Variants in TMEM120B observed in about 807,000 individuals in gnomAD.
TMEM120B encodes the protein transmembrane protein 120B.
TMEM120B carries 31 observed loss-of-function variants against 55.5 expected under a neutral mutation model. The ratio of observed to expected loss-of-function variants is 0.56; its 90% CI spans 0.42 to 0.75. TMEM120B has a LOEUF of 0.75. Ranked by LOEUF, TMEM120B falls within the 30% of genes least tolerant of loss-of-function variation. TMEM120B has a pLI of 0.00. For missense variants in TMEM120B, 399 were observed against 425.5 expected, an observed-to-expected ratio of 0.94 and a Z score of 0.55; for synonymous variants, 203 against 176.3, an observed-to-expected ratio of 1.15 and a Z score of -1.20.
chr12:121,736,053 A>G (rs755866743), intron 1 of TMEM120B, among the ~76,000 whole-genome samples: 1 of 152,174 alleles, frequency 6.6e-6, no homozygotes, highest in Admixed American at 6.6e-5. Flanking sequence ...GAAAAACTAC[A>G]TAGTAACACC....
intron 5 of TMEM120B, among the ~76,000 whole-genome samples, chr12:121,753,982 C>G (rs1004538325): frequency 6.6e-6 from 1 of 152,228 alleles, no homozygotes. Flanking sequence ...GCTGCTGCTG[C>G]CCTGCCTGGG....
At chr12:121,765,538 G>C (rs1035265300) in intron 6 of TMEM120B, among the ~76,000 whole-genome samples, 1 of 152,154 alleles carries the variant, frequency 6.6e-6, no homozygotes, top group African/African-American at 2.4e-5. Flanking sequence ...TCTGAGGCAG[G>C]GGTTTGAATG....
intron 3 of TMEM120B, 38 bp downstream of exon 3, chr12:121,748,480 C>A: frequency 7.1e-7 from 1 of 1,410,886 alleles, no homozygotes; most frequent in Non-Finnish European, 9.9e-7. Flanking sequence ...AGCACAGGCC[C>A]ATGCCCAGGC....
At chr12:121,763,718 C>T (rs1254391184) in intron 6 of TMEM120B, among the ~76,000 whole-genome samples, 1 of 152,162 alleles carries the variant, frequency 6.6e-6, no homozygotes, top group African/African-American at 2.4e-5. Context: ...GTTGGGATTA[C>T]AGGTGTGAGC....
chr12:121,774,564 A>AGGGTGACTGGTGTGGCTGGGGGT, intron 9 of TMEM120B, 94 bp from the exon 10 acceptor site: 1 of 1,250,450 alleles, frequency 8.0e-7, no homozygotes, highest in Middle Eastern at 2.4e-4. Flanking sequence ...GGCTCATCTT[A>AGGGTGACTGGTGTGGCTGGGGGT]GGGTGACTGG....
At chr12:121,752,820 G>C (rs1396735485) in intron 5 of TMEM120B, among the ~76,000 whole-genome samples, 3 of 151,410 alleles carry the variant, frequency 2.0e-5, no homozygotes, top group Non-Finnish European at 4.4e-5. Context: ...GAAATGAAAA[G>C]TTGGGCGTGG....
intron 1 of TMEM120B, among the ~76,000 whole-genome samples, chr12:121,716,568 T>TC (rs1426700054): frequency 6.1e-5 from 9 of 146,840 alleles, no homozygotes; most frequent in East Asian, 5.9e-4. Context: ...TTTCTTTCTT[T>TC]TTTTTTTTTT....
rs780244816 is a variant in TMEM120B, at chr12:121,774,650, C to G, written c.773-8C>G. 39 of 1,613,486 alleles carry G rather than the reference C, an allele frequency of 2.4e-5. No individual in the cohort carries two copies. The highest frequency in any genetic ancestry group is 3.1e-5 in the Non-Finnish European group (36 of 1,179,676). ...CAGCGGGTCCTTTTTCTTCCCTCCT[C>G]TCCACAGAAGGGTTCCAGTCCTGGA... On this transcript the variant is annotated splice_region_variant and splice_polypyrimidine_tract_variant and intron_variant, in intron 9 of 11. Transcript: ENST00000449592.
chr12:121,739,256 A>G (rs1872849603), intron 1 of TMEM120B, among the ~76,000 whole-genome samples: 1 of 152,142 alleles, frequency 6.6e-6, no homozygotes, highest in African/African-American at 2.4e-5. Flanking sequence ...TCTAGATTAA[A>G]GGAGAGTAAA....
At chr12:121,734,517 G>A (rs1284146828) in intron 1 of TMEM120B, among the ~76,000 whole-genome samples, 3 of 151,554 alleles carry the variant, frequency 2.0e-5, no homozygotes, top group Admixed American at 6.6e-5. Context: ...CTTGGCATCC[G>A]AAAGTGCTGG....
intron 5 of TMEM120B, among the ~76,000 whole-genome samples, chr12:121,754,370 G>A (rs745800594): frequency 2.2e-4 from 33 of 152,218 alleles, no homozygotes; most frequent in Admixed American, 7.2e-4. Context: ...GGGCCTGGGC[G>A]TCTCTTTTTC....
chr12:121,770,680 T>C (rs1006702356), intron 6 of TMEM120B, among the ~76,000 whole-genome samples: 1 of 151,960 alleles, frequency 6.6e-6, no homozygotes, highest in Non-Finnish European at 1.5e-5. Context: ...TGGAAACCAC[T>C]GGAAGCCCAA....
chr12:121,750,333 G>C (rs770977162), intron 3 of TMEM120B, 47 bp from the exon 4 acceptor site: 3 of 1,563,540 alleles, frequency 1.9e-6, no homozygotes, highest in Admixed American at 1.7e-5. Flanking sequence ...TTGTTGATTC[G>C]CACCCACCTG....
In TMEM120B at chr12:121,776,502, C is replaced by G. The variant is rs1177130470; in HGVS notation, c.*780C>G. The G allele has an allele frequency of 6.6e-6, 1 of 152,254 alleles. No homozygotes were observed. The highest frequency in any genetic ancestry group is 1.9e-4 in the East Asian group (1 of 5,178). The allele number at this position is 152,254 out of a possible 1,614,324, so 9.4% of individuals were successfully genotyped here. The stretch of plus-strand genomic sequence containing the variant: ...CCTGTGGAGGGGAACCACCTCCCCC[C>G]TCCTTCCCAGAGCTTCTGGATGTTG... On this transcript the variant is annotated 3_prime_UTR_variant, in exon 12 of 12. Coordinates refer to ENST00000449592, the MANE Select transcript of TMEM120B (RefSeq NM_001080825.2).
rs945192676 is a variant in TMEM120B, at chr12:121,777,666, A to G, written c.*1944A>G. 2 of 152,240 alleles carry G rather than the reference A, an allele frequency of 1.3e-5. No homozygotes were observed. Among genetic ancestry groups the G allele is most frequent in the African/African-American group, 4.8e-5 (2 of 41,436 alleles). 9.4% of individuals were successfully genotyped at this position (152,240 alleles called of 1,614,324 possible). A position where few individuals can be genotyped will look rare whatever the true frequency, so the allele number is the denominator to read the frequency against. On this transcript the variant is annotated 3_prime_UTR_variant, in exon 12 of 12. Coordinates refer to ENST00000449592, the MANE Select transcript of TMEM120B (RefSeq NM_001080825.2). Reference sequence around the variant, plus strand: ...GTCTGTAAAGGGCCAGATGGCAACTATTTTGAGCTTTATGGGCCAGGTGGT... The same window carrying G: ...GTCTGTAAAGGGCCAGATGGCAACTGTTTTGAGCTTTATGGGCCAGGTGGT...
chr12:121,746,230 C>G (rs1018811207), intron 2 of TMEM120B, among the ~76,000 whole-genome samples: 20 of 149,958 alleles, frequency 1.3e-4, no homozygotes, highest in Admixed American at 1.3e-3. Context: ...TCTTGTTGCC[C>G]AGGCTGGAGT....
intron 1 of TMEM120B, among the ~76,000 whole-genome samples, chr12:121,723,892 C>T (rs1894842094): frequency 2.6e-5 from 4 of 152,068 alleles, no homozygotes; most frequent in Admixed American, 1.3e-4. Context: ...GCCTTCACCT[C>T]CTGGCTCAAG....
chr12:121,761,009 C>T (rs1375262286), intron 5 of TMEM120B, among the ~76,000 whole-genome samples: 2 of 151,918 alleles, frequency 1.3e-5, no homozygotes, highest in Admixed American at 6.6e-5. Flanking sequence ...GACAGAGTCT[C>T]GCTCTGTCGC....
At chr12:121,758,331 C>T (rs958918760) in intron 5 of TMEM120B, 1 of 985,396 alleles carries the variant, frequency 1.0e-6, no homozygotes, top group Non-Finnish European at 1.2e-6. Context: ...TCCATGCTGA[C>T]CAGGTACAGC....
Sources: gnomAD v4.1 joint callset for allele counts (sites outside exome capture counted in the v4.1 genomes callset) on GRCh38, gnomAD v4.1.1 for gene constraint, MANE v1.5 for transcripts, NCBI Gene and HGNC (gene_info 2026-07-23, HGNC 2026-07-21) for gene names.